The following CYTIP variants were observed in gnomAD, a reference collection of about 807,000 sequenced individuals.
CYTIP encodes cytohesin-interacting protein.
In CYTIP, 26 loss-of-function variants were observed where a neutral mutation model predicts 43.8. That is an observed-to-expected ratio of 0.59 (90% confidence interval 0.44 to 0.82). The LOEUF (loss-of-function observed/expected upper bound fraction) is 0.82, where lower values mean the gene tolerates loss of function less well. Ranked by LOEUF, CYTIP falls within the 40% of genes least tolerant of loss-of-function variation. The probability of loss-of-function intolerance (pLI) is 0.00; values close to 1 mark genes in which losing one functional copy is unlikely to be tolerated. For synonymous variants in CYTIP, 162 were observed against 162.9 expected (o/e 0.99, Z 0.04); for missense variants, 426 against 443.1 (o/e 0.96, Z 0.35).
intron 6 of CYTIP, 42 bp downstream of exon 6, chr2:157,427,309 T>C: frequency 2.6e-6 from 4 of 1,513,692 alleles, no homozygotes; most frequent in Non-Finnish European, 3.6e-6. Context: ...ACTCACACAT[T>C]CAAGGATGAA....
intron 1 of CYTIP, among the ~76,000 whole-genome samples, chr2:157,442,447 T>A (rs1029985557): frequency 7.0e-6 from 1 of 141,980 alleles, no homozygotes; most frequent in Non-Finnish European, 1.5e-5. Flanking sequence ...CCCACCCTGA[T>A]TGAAAAAGTA....
intron 1 of CYTIP, among the ~76,000 whole-genome samples, chr2:157,440,007 C>T (rs1283345494): frequency 3.9e-5 from 6 of 152,182 alleles, no homozygotes; most frequent in South Asian, 2.1e-4. Flanking sequence ...AAGTTCAACA[C>T]TTTAGCCACT....
chr2:157,416,106 G>C lies in CYTIP; in HGVS notation c.651C>G (p.Asp217Glu). The change falls in exon 8 of 8, where the codon GAC (aspartate) becomes GAG (glutamate). Residue 217 changes from aspartate to glutamate, a missense_variant. Coordinates refer to ENST00000264192, the MANE Select transcript of CYTIP (RefSeq NM_004288.5). ...GTCCAAACAAAGACAATTCATCCAA[G>C]TCCATGTTTTCCAAACTGGGGCAAT... Reference protein sequence around the residue: ...AANCPSLENMDLDELSLFGPL... With the variant: ...AANCPSLENMELDELSLFGPL... 1 of 1,613,174 alleles carries C rather than the reference G, an allele frequency of 6.2e-7. No individual in the cohort carries two copies.
At chr2:157,420,054 G>A (rs1348581711) in intron 6 of CYTIP, among the ~76,000 whole-genome samples, 5 of 152,196 alleles carry the variant, frequency 3.3e-5, no homozygotes, top group African/African-American at 7.2e-5. Context: ...CTGCTTTGAG[G>A]GCTGAGGGCA....
At chr2:157,430,708 G>A (rs970553260) in intron 4 of CYTIP, 56 bp from the exon 5 acceptor site, 23 of 1,541,362 alleles carry the variant, frequency 1.5e-5, no homozygotes, top group Non-Finnish European at 1.9e-5. Flanking sequence ...AATCCCTCCT[G>A]ACATGCAAAT....
intron 1 of CYTIP, among the ~76,000 whole-genome samples, chr2:157,441,842 T>C (rs1170272964): frequency 1.3e-5 from 2 of 152,154 alleles, no homozygotes; most frequent in African/African-American, 2.4e-5. Flanking sequence ...ACTGCAAAAG[T>C]TCCTCCCTCA....
chr2:157,442,200 G>A (rs528932446), intron 1 of CYTIP, among the ~76,000 whole-genome samples: 3 of 152,182 alleles, frequency 2.0e-5, no homozygotes, highest in East Asian at 1.9e-4. Flanking sequence ...GTTTCACTTC[G>A]ATGAGAGTAT....
intron 1 of CYTIP, among the ~76,000 whole-genome samples, chr2:157,442,935 T>C (rs1051021495): frequency 3.3e-5 from 5 of 152,166 alleles, no homozygotes; most frequent in African/African-American, 9.7e-5. Flanking sequence ...AATTCAAATA[T>C]GTACCTGGGG....
intron 7 of CYTIP, among the ~76,000 whole-genome samples, chr2:157,416,548 G>C (rs972036343): frequency 6.6e-6 from 1 of 151,948 alleles, no homozygotes; most frequent in African/African-American, 2.4e-5. Flanking sequence ...AATACACTTG[G>C]GGAAATACTA....
intron 5 of CYTIP, among the ~76,000 whole-genome samples, chr2:157,428,004 A>C (rs1044423281): frequency 4.6e-5 from 7 of 152,252 alleles, no homozygotes; most frequent in African/African-American, 1.4e-4. Context: ...AACTACTATG[A>C]CATAATAACC....
intron 6 of CYTIP, 108 bp downstream of exon 6, chr2:157,427,243 A>T: frequency 1.1e-6 from 1 of 877,636 alleles, no homozygotes; most frequent in Non-Finnish European, 1.7e-6. Flanking sequence ...TAGATTCACC[A>T]CGACATTTCT....
chr2:157,430,128 G>T (rs1215765720), intron 5 of CYTIP, among the ~76,000 whole-genome samples: 1 of 151,962 alleles, frequency 6.6e-6, no homozygotes, highest in Non-Finnish European at 1.5e-5. Context: ...CCTTCCAAAT[G>T]GAACACTAGA....
intron 5 of CYTIP, among the ~76,000 whole-genome samples, chr2:157,430,346 T>C (rs1685692853): frequency 6.6e-6 from 1 of 152,226 alleles, no homozygotes; most frequent in South Asian, 2.1e-4. Context: ...GGGCTATTGA[T>C]GTCCTCTGAC....
intron 5 of CYTIP, among the ~76,000 whole-genome samples, chr2:157,428,458 G>A (rs1685648401): frequency 6.6e-6 from 1 of 152,198 alleles, no homozygotes; most frequent in African/African-American, 2.4e-5. Flanking sequence ...GAAATAGTGG[G>A]AATCCATATG....
In CYTIP at chr2:157,414,918, A is replaced by T. The variant is rs998481039; in HGVS notation, c.*759T>A. 4 of 152,216 alleles carry T rather than the reference A, an allele frequency of 2.6e-5. No homozygotes were observed. The highest frequency in any genetic ancestry group is 9.6e-5 in the African/African-American group (4 of 41,452). The allele number at this position is 152,216 out of a possible 1,614,324, so 9.4% of individuals were successfully genotyped here. On this transcript the variant is annotated 3_prime_UTR_variant, in exon 8 of 8. Coordinates refer to ENST00000264192, the MANE Select transcript of CYTIP (RefSeq NM_004288.5). ...GATGTTAGACATTTGTAGAAAAAAA[A>T]TTACAAAGCTGTAGGATTCGGAGAG...
chr2:157,436,992 C>G (rs1685818403), intron 1 of CYTIP, among the ~76,000 whole-genome samples: 1 of 152,022 alleles, frequency 6.6e-6, no homozygotes, highest in South Asian at 2.1e-4. Flanking sequence ...AGAAAACAGA[C>G]AACTGTATAT....
At chr2:157,418,685 T>A in intron 6 of CYTIP, 96 bp from the exon 7 acceptor site, 1 of 1,164,074 alleles carries the variant, frequency 8.6e-7, no homozygotes, top group South Asian at 1.6e-5. Flanking sequence ...TGTCATTAAA[T>A]TTTTTACCTT....
At chr2:157,426,414 G>C (rs1249539797) in intron 6 of CYTIP, among the ~76,000 whole-genome samples, 1 of 152,090 alleles carries the variant, frequency 6.6e-6, no homozygotes, top group African/African-American at 2.4e-5. Context: ...AGTGGCAAGA[G>C]TATCCAAACC....
At position 157,416,042 on chromosome 2, in the gene CYTIP, G is replaced by A. The variant is rs371815413; in HGVS notation, c.715C>T (p.Arg239Ter). The A allele has an allele frequency of 2.5e-6, 4 of 1,614,028 alleles. No homozygotes were observed. Among genetic ancestry groups the A allele is most frequent in the African/African-American group, 1.3e-5 (1 of 74,904 alleles). Reference protein sequence around the residue: ...GPGPALVDRNRLSSESSCKSW... With the variant: ...GPGPALVDRN ...TTACAGCTGCTCTCACTGGATAATCGATTCCGGTCCACAAGGGCTGGGCCT... is the reference window on the plus strand; with the variant it reads ...TTACAGCTGCTCTCACTGGATAATCAATTCCGGTCCACAAGGGCTGGGCCT... The change falls in exon 8 of 8, where the codon CGA becomes TGA. Residue 239 changes from arginine (R) to a stop codon, truncating the protein, a stop_gained. Transcript: ENST00000264192. LOFTEE classifies it high-confidence loss of function.
Sources: allele counts gnomAD v4.1 joint callset (sites outside exome capture counted in the v4.1 genomes callset), GRCh38; gene constraint gnomAD v4.1.1; transcripts MANE v1.5; gene names NCBI Gene and HGNC (gene_info 2026-07-23, HGNC 2026-07-21).